The following PTPRN2 variants were observed in gnomAD, a reference collection of about 807,000 sequenced individuals.
PTPRN2 encodes the protein receptor-type tyrosine-protein phosphatase N2.
PTPRN2 carries 74 observed loss-of-function variants against 118.8 expected under a neutral mutation model. That is an observed-to-expected ratio of 0.62 (90% confidence interval 0.52 to 0.76). PTPRN2 has a LOEUF of 0.76. Ranked by LOEUF, PTPRN2 falls within the 30% of genes least tolerant of loss-of-function variation. The pLI is 0.00. For missense variants in PTPRN2, 1,481 were observed against 1,394.4 expected (o/e 1.06, Z -0.99); for synonymous variants, 641 against 608.0 (o/e 1.05, Z -0.80).
chr7:157,714,176 G>T (rs1287816169), intron 12 of PTPRN2, among the ~76,000 whole-genome samples: 1 of 152,222 alleles, frequency 6.6e-6, no homozygotes, highest in African/African-American at 2.4e-5. Flanking sequence ...ACGTTAGAAG[G>T]CTATGAAAAA....
chr7:158,528,552 T>G (rs1193911081), intron 1 of PTPRN2, among the ~76,000 whole-genome samples: 1 of 151,284 alleles, frequency 6.6e-6, no homozygotes, highest in Non-Finnish European at 1.5e-5. Context: ...TTTGGGAGGC[T>G]GAGGGGGACG....
intron 14 of PTPRN2, among the ~76,000 whole-genome samples, chr7:157,624,939 C>T: frequency 6.6e-6 from 1 of 152,008 alleles, no homozygotes; most frequent in Non-Finnish European, 1.5e-5. Context: ...AGACAATTCT[C>T]AAAAGAAGAT....
intron 10 of PTPRN2, among the ~76,000 whole-genome samples, chr7:158,085,879 G>A (rs1017776895): frequency 4.6e-5 from 6 of 129,274 alleles, no homozygotes; most frequent in East Asian, 2.4e-4. Context: ...CCACACCTAC[G>A]ACGCCCATCC....
At chr7:158,425,178 T>A in intron 2 of PTPRN2, among the ~76,000 whole-genome samples, 1 of 131,554 alleles carries the variant, frequency 7.6e-6, no homozygotes, top group African/African-American at 2.8e-5. Context: ...ACGAGACCAG[T>A]CTAGCTGAGG....
At chr7:158,163,943 T>C (rs1009778667) in intron 6 of PTPRN2, among the ~76,000 whole-genome samples, 1 of 152,218 alleles carries the variant, frequency 6.6e-6, no homozygotes, top group African/African-American at 2.4e-5. Flanking sequence ...CAATTCTCTC[T>C]GCGTATTTCC....
intron 10 of PTPRN2, among the ~76,000 whole-genome samples, chr7:158,083,362 C>T (rs12666050): frequency 0.04 from 6,036 of 152,236 alleles, 199 homozygotes; most frequent in East Asian, 0.18. Context: ...CCCGAAACAA[C>T]GCTGAGGACA....
At chr7:157,768,197 T>C (rs1802595896) in intron 12 of PTPRN2, among the ~76,000 whole-genome samples, 1 of 152,260 alleles carries the variant, frequency 6.6e-6, no homozygotes, top group Non-Finnish European at 1.5e-5. Context: ...TTTGTGGCTA[T>C]GAATTCCCCA....
intron 9 of PTPRN2, among the ~76,000 whole-genome samples, chr7:158,127,498 T>C (rs1014129780): frequency 6.6e-5 from 10 of 152,202 alleles, no homozygotes; most frequent in Non-Finnish European, 1.5e-4. Context: ...ACCCTGACCC[T>C]GGATGCCGGA....
chr7:158,125,680 C>T lies in PTPRN2; in HGVS notation c.1556+7997G>A, dbSNP rs143514785. On this transcript the variant is annotated intron_variant, in intron 9 of 22. Transcript: ENST00000389418. Reference sequence around the variant, plus strand: ...AGCAAGTGACAAGGCAGGGCATGTCCGCCCTCAGGAGGGGCCTCTACAGAG... The same window carrying T: ...AGCAAGTGACAAGGCAGGGCATGTCTGCCCTCAGGAGGGGCCTCTACAGAG... 1.7e-3 allele frequency among the ~76,000 whole-genome samples: 255 copies of T among 152,282 alleles called. 7 individuals are homozygous for T. The East Asian group carries it at 0.039, about 23-fold the overall frequency.
chr7:157,548,200 AGTGAGACTCT>A (rs1563202395), intron 22 of PTPRN2, among the ~76,000 whole-genome samples: 1 of 152,216 alleles, frequency 6.6e-6, no homozygotes, highest in Non-Finnish European at 1.5e-5. Context: ...TGGGTGACAG[AGTGAGACTCT>A]GTCTCAGAAA....
intron 3 of PTPRN2, among the ~76,000 whole-genome samples, chr7:158,274,508 A>AGACACGGGGGAGCCG (rs1563074906): frequency 7.3e-6 from 1 of 136,152 alleles, no homozygotes; most frequent in Non-Finnish European, 1.6e-5. Flanking sequence ...AGGGGGAGCC[A>AGACACGGGGGAGCCG]CAGGCACGGG....
chr7:158,037,709 C>A (rs1808182661), intron 11 of PTPRN2, among the ~76,000 whole-genome samples: 1 of 152,182 alleles, frequency 6.6e-6, no homozygotes, highest in African/African-American at 2.4e-5. Context: ...CTAAACTATA[C>A]ATTAAATCGA....
chr7:158,312,282 G>GCA (rs1801869653), intron 3 of PTPRN2, among the ~76,000 whole-genome samples: 1 of 121,466 alleles, frequency 8.2e-6, no homozygotes, highest in Non-Finnish European at 1.7e-5. Flanking sequence ...ATGTAGACAC[G>GCA]CACACATGCA....
chr7:158,242,132 C>G (rs1488728791), intron 3 of PTPRN2, among the ~76,000 whole-genome samples: 1 of 152,178 alleles, frequency 6.6e-6, no homozygotes, highest in African/African-American at 2.4e-5. Context: ...AAGAGCCCAG[C>G]CTGTAACCAT....
intron 12 of PTPRN2, among the ~76,000 whole-genome samples, chr7:157,767,675 T>C (rs1176073252): frequency 6.6e-6 from 1 of 152,202 alleles, no homozygotes; most frequent in East Asian, 1.9e-4. Flanking sequence ...TTCTGTTTGG[T>C]GCTGTGCCTC....
At chr7:157,682,370 A>T (rs1254748795) in intron 13 of PTPRN2, among the ~76,000 whole-genome samples, 3 of 152,234 alleles carry the variant, frequency 2.0e-5, no homozygotes, top group African/African-American at 7.2e-5. Context: ...TCAAACACCT[A>T]CACGCCAAAT....
At chr7:158,542,519 G>C (rs751820868) in intron 1 of PTPRN2, among the ~76,000 whole-genome samples, 15 of 152,294 alleles carry the variant, frequency 9.8e-5, no homozygotes, top group Admixed American at 2.0e-4. Flanking sequence ...CAGTGCATCA[G>C]TTATGGGAAA....
At chr7:157,710,636 G>C (rs965812563) in intron 12 of PTPRN2, among the ~76,000 whole-genome samples, 2 of 152,260 alleles carry the variant, frequency 1.3e-5, no homozygotes, top group East Asian at 3.9e-4. Flanking sequence ...CCCCTGGGGG[G>C]ACATCTCTTC....
At chr7:158,352,336 C>A (rs1027975881) in intron 2 of PTPRN2, among the ~76,000 whole-genome samples, 2 of 5,046 alleles carry the variant, frequency 4.0e-4, no homozygotes, top group Admixed American at 2.8e-3. Context: ...CCCTCCTGAC[C>A]GCTCCCCTCC....
Sources: allele counts gnomAD v4.1 joint callset (sites outside exome capture counted in the v4.1 genomes callset), GRCh38; gene constraint gnomAD v4.1.1; transcripts MANE v1.5; gene names NCBI Gene and HGNC (gene_info 2026-07-23, HGNC 2026-07-21).